TMC5: variants seen among roughly 807,000 people sequenced by gnomAD.
The protein encoded by TMC5 is transmembrane channel-like protein 5.
A neutral mutation model predicts 110.5 loss-of-function variants in TMC5; 86 were observed. The observed-to-expected ratio is 0.78, with a 90% CI of 0.65 to 0.93. The LOEUF (loss-of-function observed/expected upper bound fraction) is 0.93. Ranked by LOEUF, TMC5 falls within the 40% of genes least tolerant of loss-of-function variation. The pLI, the probability that TMC5 is intolerant of heterozygous loss-of-function variation, is 0.00. For missense variants in TMC5, 1,144 were observed against 1,222.8 expected (o/e 0.94, Z 0.96); for synonymous variants, 455 against 439.5 (o/e 1.04, Z -0.44).
Position 19,469,840 on chromosome 16 carries a change from C to T in TMC5, c.1782+15C>T, listed in dbSNP as rs1245421342. ...CTGAGATAAGGGTAAGGCGAGCTCA[C>T]TTTACTCATTTGCCATCGGCTGGTC... On this transcript the variant is annotated intron_variant, in intron 10 of 21. Transcript: ENST00000542583. 5 of 1,613,302 alleles carry T rather than the reference C, an allele frequency of 3.1e-6. No individual in the cohort carries two copies. In the South Asian group the frequency reaches 3.3e-5, roughly 11 times the overall value.
At chr16:19,464,218 C>T (rs543765210) in intron 8 of TMC5, among the ~76,000 whole-genome samples, 194 bp downstream of exon 8, 1 of 152,268 alleles carries the variant, frequency 6.6e-6, no homozygotes, top group South Asian at 2.1e-4. Context: ...GAGGCCAAAG[C>T]AGTGGAGACC....
At chr16:19,477,334 A>T in intron 12 of TMC5, 106 bp from the exon 13 acceptor site, 1 of 830,114 alleles carries the variant, frequency 1.2e-6, no homozygotes, top group Non-Finnish European at 2.1e-6. Context: ...CTCCAACCAC[A>T]GGGGCCAGGA....
rs150481868 is a variant in TMC5 at position 19,463,816 on chromosome 16, A to G, written c.1277A>G (p.Asn426Ser). ...AAGAACAGCCTGTCGGAAATTCTGA[A>G]TTCCATCAGCCTGTGGCAGAAGACG... is the stretch of plus-strand genomic sequence containing the variant. ...RSKNSLSEIL[N>S]SISLWQKTLK... The change falls in exon 8 of 22, where the codon AAT becomes AGT. Residue 426 changes from asparagine to serine, a missense_variant. Coordinates refer to ENST00000542583, the MANE Select transcript of TMC5 (RefSeq NM_001261841.2). 5.2e-4 allele frequency: 843 copies of G among 1,614,192 alleles called. 17 individuals are homozygous for G. The East Asian group carries it at 0.018, about 34-fold the overall frequency.
chr16:19,434,279 T>G (rs1195515118), intron 2 of TMC5, among the ~76,000 whole-genome samples: 5 of 123,380 alleles, frequency 4.1e-5, no homozygotes, highest in Non-Finnish European at 8.0e-5. Context: ...TATATAGATC[T>G]ATATATAATA....
chr16:19,456,980 A>G (rs1304169581), intron 5 of TMC5: 5 of 1,613,564 alleles, frequency 3.1e-6, no homozygotes, highest in Non-Finnish European at 4.2e-6. Flanking sequence ...ATGCATGGGC[A>G]TAGACACTCC....
In TMC5 at chr16:19,472,189, A is replaced by T. The variant is rs1405633075; in HGVS notation, c.1884A>T (p.Gly628=). The change falls in exon 11 of 22, where the codon GGA becomes GGT. Residue 628 remains glycine (G), a synonymous_variant. Transcript: ENST00000542583. ...AYMVAWVVST[G]VAIACCAAVY... ...TGGTAGCCTGGGTTGTCTCTACAGGAGTGGCCATAGCCTGCTGTGCAGCCG... is the reference window on the plus strand; with the variant it reads ...TGGTAGCCTGGGTTGTCTCTACAGGTGTGGCCATAGCCTGCTGTGCAGCCG... The T allele has an allele frequency of 6.2e-7, 1 of 1,614,042 alleles. No homozygotes were observed. The highest frequency in any genetic ancestry group is 8.5e-7 in the Non-Finnish European group (1 of 1,180,040).
intron 1 of TMC5, chr16:19,411,354 G>C (rs1025686050): frequency 6.6e-6 from 1 of 152,166 alleles, no homozygotes; most frequent in Non-Finnish European, 1.5e-5. Context: ...CCCTCACAGA[G>C]ATTCTGTGAG....
At chr16:19,442,733 T>C (rs1326743003) in intron 3 of TMC5, among the ~76,000 whole-genome samples, 1 of 152,246 alleles carries the variant, frequency 6.6e-6, no homozygotes, top group Non-Finnish European at 1.5e-5. Context: ...CTGTTTCTAC[T>C]AGTAATATTT....
intron 1 of TMC5, among the ~76,000 whole-genome samples, chr16:19,421,466 G>A (rs1425716030): frequency 6.6e-6 from 1 of 152,136 alleles, no homozygotes; most frequent in African/African-American, 2.4e-5. Context: ...CATGTAAGAT[G>A]TGCCTTTGCT....
chr16:19,451,286 C>G (rs976185444), intron 5 of TMC5, among the ~76,000 whole-genome samples: 17 of 152,268 alleles, frequency 1.1e-4, no homozygotes, highest in Middle Eastern at 3.4e-3. Flanking sequence ...CCACTTAGAA[C>G]TCTCACCTTT....
intron 1 of TMC5, among the ~76,000 whole-genome samples, chr16:19,412,735 T>G (rs1413250232): frequency 6.6e-6 from 1 of 152,192 alleles, no homozygotes; most frequent in Non-Finnish European, 1.5e-5. Context: ...TAGTAGGTGC[T>G]CAATCAACAT....
intron 5 of TMC5, chr16:19,456,727 G>T: frequency 6.2e-7 from 1 of 1,610,296 alleles, no homozygotes; most frequent in South Asian, 1.1e-5. Flanking sequence ...ATGACCACGT[G>T]AATGAAATCA....
chr16:19,414,276 C>T (rs926227325), upstream of TMC5, among the ~76,000 whole-genome samples: 1 of 152,172 alleles, frequency 6.6e-6, no homozygotes, highest in Non-Finnish European at 1.5e-5. Flanking sequence ...TTGAGGAGCT[C>T]CCAGTGACCT....
chr16:19,484,509 C>A (rs1215435760), intron 15 of TMC5, among the ~76,000 whole-genome samples: 1 of 152,140 alleles, frequency 6.6e-6, no homozygotes, highest in Non-Finnish European at 1.5e-5. Context: ...CGCCTGTAAC[C>A]CCAGGACTTT....
chr16:19,494,416 A>G, intron 20 of TMC5, 50 bp downstream of exon 20: 1 of 1,340,656 alleles, frequency 7.5e-7, no homozygotes, highest in Non-Finnish European at 1.1e-6. Context: ...GCTTGCCTCC[A>G]TGTAAAAAGC....
At chr16:19,416,728 A>G (rs1966878898), upstream of TMC5, among the ~76,000 whole-genome samples, 1 of 152,204 alleles carries the variant, frequency 6.6e-6, no homozygotes. Context: ...GGGACATGCC[A>G]TTGGTGATCA....
At chr16:19,429,601 G>T in intron 1 of TMC5, among the ~76,000 whole-genome samples, 1 of 152,168 alleles carries the variant, frequency 6.6e-6, no homozygotes, top group East Asian at 1.9e-4. Flanking sequence ...CATGTGTGGG[G>T]GCCATCATCC....
intron 17 of TMC5, chr16:19,487,758 A>G (rs1007750162): frequency 6.7e-6 from 1 of 150,302 alleles, no homozygotes; most frequent in Non-Finnish European, 1.5e-5. Flanking sequence ...TAAATAAATA[A>G]TGTAGGTATG....
At chr16:19,471,559 G>A (rs1212731160) in intron 10 of TMC5, among the ~76,000 whole-genome samples, 2 of 152,096 alleles carry the variant, frequency 1.3e-5, no homozygotes, top group Non-Finnish European at 2.9e-5. Context: ...GCAGTGTTTG[G>A]AGATTCTTGG....
Sources: allele counts gnomAD v4.1 joint callset (sites outside exome capture counted in the v4.1 genomes callset), GRCh38; gene constraint gnomAD v4.1.1; transcripts MANE v1.5; gene names NCBI Gene and HGNC (gene_info 2026-07-23, HGNC 2026-07-21).